Variants in CAMKMT observed in about 807,000 individuals in gnomAD.
CAMKMT encodes CaM KMT.
Under a neutral mutation model 48.0 loss-of-function variants are expected in CAMKMT, and 53 were observed. The observed-to-expected ratio is 1.10, with a 90% CI of 0.89 to 1.39. The LOEUF (loss-of-function observed/expected upper bound fraction) is 1.39. CAMKMT is among the 40% of genes most tolerant of loss of function. The pLI is 0.00. For synonymous variants in CAMKMT, 165 were observed against 152.3 expected, an observed-to-expected ratio of 1.08 and a Z score of -0.61; for missense variants, 428 against 402.7, an observed-to-expected ratio of 1.06 and a Z score of -0.54.
rs143744808 is a variant in CAMKMT, at chr2:44,546,453, C to T, written c.376+156148C>T. On this transcript the variant is annotated intron_variant, in intron 3 of 10. Coordinates refer to ENST00000378494, the MANE Select transcript of CAMKMT (RefSeq NM_024766.5). Reference sequence around the variant, plus strand: ...TGATCTGTTTCACGTTTTATGGAATCGATAAATCTCATCCCTAAAGAGTCC... The same window carrying T: ...TGATCTGTTTCACGTTTTATGGAATTGATAAATCTCATCCCTAAAGAGTCC... 8.5e-5 allele frequency among the ~76,000 whole-genome samples: 13 copies of T among 152,268 alleles called. No individual in the cohort carries two copies. In the East Asian group the frequency reaches 9.7e-4, roughly 11 times the overall value.
At chr2:44,649,520 A>G (rs1313703554) in intron 3 of CAMKMT, among the ~76,000 whole-genome samples, 3 of 152,104 alleles carry the variant, frequency 2.0e-5, no homozygotes, top group South Asian at 2.1e-4. Flanking sequence ...TAAAGGGAGA[A>G]ACGTCTGAAC....
intron 3 of CAMKMT, among the ~76,000 whole-genome samples, chr2:44,586,197 A>C (rs1669848659): frequency 6.6e-6 from 1 of 152,188 alleles, no homozygotes; most frequent in South Asian, 2.1e-4. Flanking sequence ...AAGGGTTCCA[A>C]AATCTGATAG....
chr2:44,574,059 A>G lies in CAMKMT; in HGVS notation c.377-130224A>G, dbSNP rs543942022. The stretch of plus-strand genomic sequence containing the variant: ...GTTTGAATCTACATATTGGATTTTT[A>G]GAAATACAGTAGTATATTACAGTTT... On this transcript the variant is annotated intron_variant, in intron 3 of 10. Coordinates refer to ENST00000378494, the MANE Select transcript of CAMKMT (RefSeq NM_024766.5). Among the ~76,000 whole-genome samples, 6 of 152,352 alleles carry G rather than the reference A, an allele frequency of 3.9e-5. No homozygotes were observed. In the East Asian group the frequency reaches 7.7e-4, roughly 20 times the overall value.
chr2:44,688,694 G>T (rs1676472009), intron 3 of CAMKMT, among the ~76,000 whole-genome samples: 1 of 152,128 alleles, frequency 6.6e-6, no homozygotes, highest in African/African-American at 2.4e-5. Flanking sequence ...GTTAGAAGGG[G>T]AGGCAGTTCT....
chr2:44,564,871 C>G (rs937264607), intron 3 of CAMKMT, among the ~76,000 whole-genome samples: 6 of 152,156 alleles, frequency 3.9e-5, no homozygotes, highest in Non-Finnish European at 8.8e-5. Flanking sequence ...CTTGGTTGGA[C>G]TTGGTAGTGT....
At chr2:44,707,558 A>C in intron 6 of CAMKMT, 96 bp downstream of exon 6, 3 of 1,005,864 alleles carry the variant, frequency 3.0e-6, no homozygotes, top group Non-Finnish European at 4.5e-6. Context: ...TGGGGTATTA[A>C]AAGAGAGTTT....
intron 3 of CAMKMT, among the ~76,000 whole-genome samples, chr2:44,581,782 C>G (rs1669578274): frequency 6.6e-6 from 1 of 152,174 alleles, no homozygotes. Context: ...GGGTGGATCA[C>G]AAAGTCAGGA....
chr2:44,721,909 C>A (rs1246366232), intron 7 of CAMKMT, among the ~76,000 whole-genome samples: 2 of 152,194 alleles, frequency 1.3e-5, no homozygotes, highest in African/African-American at 4.8e-5. Flanking sequence ...TCACTCCTCC[C>A]TCCTCCCTTC....
chr2:44,383,777 A>G (rs955161813), intron 2 of CAMKMT, among the ~76,000 whole-genome samples: 8 of 152,140 alleles, frequency 5.3e-5, no homozygotes, highest in Non-Finnish European at 8.8e-5. Flanking sequence ...ATAGTCTCCA[A>G]TCCCATCCAG....
At chr2:44,663,959 TAAAGG>T (rs1464820601) in intron 3 of CAMKMT, among the ~76,000 whole-genome samples, 19 of 151,690 alleles carry the variant, frequency 1.3e-4, no homozygotes, top group Non-Finnish European at 2.5e-4. Context: ...GAAAAAAAAA[TAAAGG>T]AGATAAGGAG....
intron 3 of CAMKMT, among the ~76,000 whole-genome samples, chr2:44,668,931 G>A (rs1558783589): frequency 6.6e-6 from 1 of 151,968 alleles, no homozygotes; most frequent in African/African-American, 2.4e-5. Context: ...ACAGGTGCCT[G>A]CCACAACGCC....
intron 9 of CAMKMT, among the ~76,000 whole-genome samples, chr2:44,757,920 G>A (rs1265759671): frequency 6.6e-6 from 1 of 152,160 alleles, no homozygotes; most frequent in African/African-American, 2.4e-5. Flanking sequence ...GCTGGTGGGA[G>A]GGGAAGACAT....
chr2:44,742,476 T>C (rs1043278724), intron 7 of CAMKMT, among the ~76,000 whole-genome samples: 1 of 152,160 alleles, frequency 6.6e-6, no homozygotes, highest in Admixed American at 6.5e-5. Context: ...TGTGTCCATA[T>C]GGCCCATCAA....
At chr2:44,626,116 A>T (rs950345730) in intron 3 of CAMKMT, among the ~76,000 whole-genome samples, 1 of 152,206 alleles carries the variant, frequency 6.6e-6, no homozygotes, top group African/African-American at 2.4e-5. Flanking sequence ...AGAGAAGATA[A>T]TTCACATCTT....
intron 3 of CAMKMT, among the ~76,000 whole-genome samples, chr2:44,693,052 T>C: frequency 6.6e-6 from 1 of 152,192 alleles, no homozygotes; most frequent in East Asian, 1.9e-4. Context: ...TAGTAAGTCT[T>C]GTCAGTGTAC....
At chr2:44,455,864 C>A (rs538977802) in intron 3 of CAMKMT, among the ~76,000 whole-genome samples, 1 of 152,174 alleles carries the variant, frequency 6.6e-6, no homozygotes, top group Admixed American at 6.5e-5. Flanking sequence ...GTGTCAAAAA[C>A]GTTGGTCCTT....
chr2:44,523,060 T>A (rs1270176960), intron 3 of CAMKMT, among the ~76,000 whole-genome samples: 1 of 152,176 alleles, frequency 6.6e-6, no homozygotes, highest in East Asian at 1.9e-4. Flanking sequence ...CCAAAACTAA[T>A]GCCATGTGTT....
At chr2:44,768,930 G>A (rs1006457026) in intron 10 of CAMKMT, among the ~76,000 whole-genome samples, 16 of 152,132 alleles carry the variant, frequency 1.1e-4, no homozygotes, top group African/African-American at 3.9e-4. Flanking sequence ...ACTGTAAGAC[G>A]CCTGATAATG....
intron 3 of CAMKMT, among the ~76,000 whole-genome samples, chr2:44,485,200 GGTATA>G (rs1451381455): frequency 6.6e-6 from 1 of 152,020 alleles, no homozygotes. Flanking sequence ...TTCGTTCTCT[GGTATA>G]GTAGACCCTA....
Sources: allele counts gnomAD v4.1 joint callset (sites outside exome capture counted in the v4.1 genomes callset), GRCh38; gene constraint gnomAD v4.1.1; transcripts MANE v1.5; gene names NCBI Gene and HGNC (gene_info 2026-07-23, HGNC 2026-07-21).